The following RBFOX2 variants were observed in gnomAD, a reference collection of about 807,000 sequenced individuals.
RBFOX2 encodes the protein RNA binding protein fox-1 homolog 2.
RBFOX2 carries 10 observed loss-of-function variants against 49.1 expected under a neutral mutation model. The observed-to-expected ratio is 0.20, with a 90% CI of 0.13 to 0.35. The LOEUF is 0.35. Ranked by LOEUF, RBFOX2 falls within the 10% of genes least tolerant of loss-of-function variation. The pLI is 1.00. For missense variants in RBFOX2, 323 were observed against 486.9 expected (o/e 0.66, Z 3.17); for synonymous variants, 183 against 187.4 (o/e 0.98, Z 0.19).
At chr22:35,929,284 T>C (rs1173917876) in intron 1 of RBFOX2, among the ~76,000 whole-genome samples, 2 of 151,864 alleles carry the variant, frequency 1.3e-5, no homozygotes, top group African/African-American at 2.4e-5. Context: ...CACTGGCTTA[T>C]TTCTCTTAAA....
At chr22:35,859,954 C>T (rs1266877058) in intron 1 of RBFOX2, among the ~76,000 whole-genome samples, 1 of 152,204 alleles carries the variant, frequency 6.6e-6, no homozygotes, top group Non-Finnish European at 1.5e-5. Flanking sequence ...TTTAAATATT[C>T]TAATACTGTT....
intron 1 of RBFOX2, among the ~76,000 whole-genome samples, chr22:35,931,512 C>G (rs931982435): frequency 1.3e-5 from 2 of 152,014 alleles, no homozygotes; most frequent in Admixed American, 6.6e-5. Flanking sequence ...TGGAAGCTTA[C>G]GGCTGTAATC....
chr22:35,970,573 A>G (rs2056815235), intron 1 of RBFOX2, among the ~76,000 whole-genome samples: 1 of 151,946 alleles, frequency 6.6e-6, no homozygotes, highest in African/African-American at 2.4e-5. Flanking sequence ...AGGTAGGAGG[A>G]TTGCTTGAGC....
In RBFOX2 at chr22:35,740,583, A is replaced by C. The variant is rs896583490; in HGVS notation, c.*3612T>G. 4 of 152,578 alleles carry C rather than the reference A, an allele frequency of 2.6e-5. 1 individual carries two copies. Among genetic ancestry groups the C allele is most frequent in the African/African-American group, 9.7e-5 (4 of 41,424 alleles). 9.5% of individuals were successfully genotyped at this position (152,578 alleles called of 1,614,324 possible). A position where few individuals can be genotyped will look rare whatever the true frequency, so the allele number is the denominator to read the frequency against. On this transcript the variant is annotated 3_prime_UTR_variant, in exon 12 of 12. Coordinates refer to ENST00000405409, the Ensembl canonical transcript of RBFOX2. ...CTGGGGGAAAATCTGCAATTCTGCA[A>C]ATGTTACTGCGCTAGAGGTTGCAAG...
intron 1 of RBFOX2, chr22:35,822,055 C>T: frequency 2.1e-6 from 1 of 476,804 alleles, no homozygotes; most frequent in Non-Finnish European, 4.2e-6. Flanking sequence ...GCCTTTCTGC[C>T]TTGTCTCACT....
intron 2 of RBFOX2, among the ~76,000 whole-genome samples, chr22:35,782,105 T>A (rs1181936762): frequency 2.0e-5 from 3 of 152,184 alleles, no homozygotes; most frequent in African/African-American, 7.2e-5. Context: ...AACTTTCTAT[T>A]TTTAAGATAT....
At chr22:35,914,397 T>A (rs1346938494) in intron 1 of RBFOX2, among the ~76,000 whole-genome samples, 3 of 152,194 alleles carry the variant, frequency 2.0e-5, no homozygotes, top group Non-Finnish European at 4.4e-5. Context: ...ACATGCCCAT[T>A]TTCTCCTTTT....
At chr22:35,853,151 G>A (rs754081732) in intron 1 of RBFOX2, among the ~76,000 whole-genome samples, 11 of 151,766 alleles carry the variant, frequency 7.2e-5, no homozygotes, top group East Asian at 5.8e-4. Context: ...AAAATTAGCC[G>A]GGCGTGGTGG....
intron 1 of RBFOX2, among the ~76,000 whole-genome samples, chr22:35,938,333 G>A (rs1342547422): frequency 6.6e-6 from 1 of 152,160 alleles, no homozygotes; most frequent in African/African-American, 2.4e-5. Flanking sequence ...TAGGGCCTGG[G>A]CTTTTCCAGT....
intron 2 of RBFOX2, among the ~76,000 whole-genome samples, chr22:35,792,906 A>G (rs1270466628): frequency 6.6e-6 from 1 of 152,224 alleles, no homozygotes; most frequent in East Asian, 1.9e-4. Context: ...AACATCAACC[A>G]GATTTGTTAG....
intron 6 of RBFOX2, among the ~76,000 whole-genome samples, chr22:35,761,862 C>T (rs1454304059): frequency 1.3e-5 from 2 of 152,184 alleles, no homozygotes; most frequent in Non-Finnish European, 1.5e-5. Context: ...GATGCATTTT[C>T]TCAACCCTGT....
chr22:35,983,026 C>T (rs535752543), intron 1 of RBFOX2, among the ~76,000 whole-genome samples: 39 of 152,264 alleles, frequency 2.6e-4, no homozygotes, highest in African/African-American at 8.2e-4. Flanking sequence ...AATGACTGCA[C>T]TACAAAATCC....
chr22:35,897,546 G>T, intron 1 of RBFOX2: 1 of 859,576 alleles, frequency 1.2e-6, no homozygotes, highest in Non-Finnish European at 2.0e-6. Flanking sequence ...GTACCCCTTT[G>T]CTGTGAGCCA....
At chr22:35,856,170 G>C (rs1026692072) in intron 1 of RBFOX2, among the ~76,000 whole-genome samples, 1 of 152,068 alleles carries the variant, frequency 6.6e-6, no homozygotes, top group African/African-American at 2.4e-5. Context: ...GAGATATTTA[G>C]AAATTATCAT....
At chr22:36,002,727 G>A (rs988802325) in intron 1 of RBFOX2, among the ~76,000 whole-genome samples, 3 of 152,248 alleles carry the variant, frequency 2.0e-5, no homozygotes, top group Non-Finnish European at 2.9e-5. Flanking sequence ...AGGTTCAAGT[G>A]ATCCCCCTGC....
chr22:35,955,642 G>A lies in RBFOX2; in HGVS notation c.42+5921C>T, dbSNP rs150416722. On this transcript the variant is annotated intron_variant, in intron 1 of 5. Transcript: ENST00000408983. ...CAGGCAACCTAGATCCCTCGCACGC[G>A]CAGTTCACAGTAGGGTATGCACTCT... 2.0e-3 allele frequency among the ~76,000 whole-genome samples: 299 copies of A among 152,102 alleles called. 1 individual carries two copies. Among genetic ancestry groups the A allele is most frequent in the Non-Finnish European group, 3.1e-3 (212 of 67,996 alleles).
chr22:35,923,499 G>A (rs533809324), intron 1 of RBFOX2, among the ~76,000 whole-genome samples: 4 of 152,256 alleles, frequency 2.6e-5, no homozygotes, highest in Admixed American at 6.5e-5. Flanking sequence ...AGCCTCTAGA[G>A]TAGCTGAGAC....
chr22:35,919,563 AC>A (rs1221517794), intron 1 of RBFOX2, among the ~76,000 whole-genome samples: 1 of 152,042 alleles, frequency 6.6e-6, no homozygotes, highest in Non-Finnish European at 1.5e-5. Flanking sequence ...AGTGATAACT[AC>A]GGGGAATGGA....
chr22:35,992,748 T>G (rs1419144454), intron 1 of RBFOX2: 2 of 152,146 alleles, frequency 1.3e-5, no homozygotes, highest in East Asian at 3.9e-4. Context: ...ACTTCAGAAG[T>G]TCGAAGCTAA....
Sources: allele counts gnomAD v4.1 joint callset (sites outside exome capture counted in the v4.1 genomes callset), GRCh38; gene constraint gnomAD v4.1.1; transcripts MANE v1.5; gene names NCBI Gene and HGNC (gene_info 2026-07-23, HGNC 2026-07-21).